Variants in RPGRIP1L observed in about 807,000 individuals in gnomAD.
RPGRIP1L encodes protein fantom.
Under a neutral mutation model 160.4 loss-of-function variants are expected in RPGRIP1L, and 131 were observed. That is an observed-to-expected ratio of 0.82 (90% CI 0.71 to 0.94). The LOEUF (loss-of-function observed/expected upper bound fraction) is 0.94. Ranked by LOEUF, RPGRIP1L falls within the 40% of genes least tolerant of loss-of-function variation. RPGRIP1L has a pLI of 0.00. For missense variants in RPGRIP1L, 1,522 were observed against 1,535.8 expected (o/e 0.99, Z 0.15); for synonymous variants, 510 against 515.8 (o/e 0.99, Z 0.15).
intron 24 of RPGRIP1L, among the ~76,000 whole-genome samples, chr16:53,614,285 C>A (rs1204407521): frequency 2.0e-5 from 3 of 152,214 alleles, no homozygotes; most frequent in Non-Finnish European, 4.4e-5. Context: ...CTTCCACAAA[C>A]AAGGCCTAGA....
At chr16:53,628,190 G>T (rs1965302788) in intron 22 of RPGRIP1L, 1 of 151,844 alleles carries the variant, frequency 6.6e-6, no homozygotes, top group Admixed American at 6.6e-5. Context: ...ACAGTATGTA[G>T]AACTTGTTAC....
chr16:53,634,131 C>G (rs1462432688), intron 22 of RPGRIP1L, among the ~76,000 whole-genome samples: 1 of 152,118 alleles, frequency 6.6e-6, no homozygotes, highest in African/African-American at 2.4e-5. Flanking sequence ...GCTGCATCCT[C>G]TTCAGAGGAG....
At chr16:53,668,688 A>G (rs1968478503) in intron 9 of RPGRIP1L, among the ~76,000 whole-genome samples, 1 of 152,246 alleles carries the variant, frequency 6.6e-6, no homozygotes. Context: ...AGTGAAGCAC[A>G]GCATTACTAA....
intron 6 of RPGRIP1L, among the ~76,000 whole-genome samples, chr16:53,683,120 C>CTTA (rs1394909840): frequency 6.6e-6 from 1 of 151,838 alleles, no homozygotes; most frequent in Non-Finnish European, 1.5e-5. Flanking sequence ...AGCATCCTTT[C>CTTA]TTAGCTTCTT....
At chr16:53,617,610 AT>A (rs1964462247) in intron 24 of RPGRIP1L, among the ~76,000 whole-genome samples, 1 of 152,198 alleles carries the variant, frequency 6.6e-6, no homozygotes. Context: ...GCTGAAGTAG[AT>A]CTTAGAAAGC....
At chr16:53,685,815 A>G (rs549573492) in intron 6 of RPGRIP1L, among the ~76,000 whole-genome samples, 2 of 152,270 alleles carry the variant, frequency 1.3e-5, no homozygotes, top group Admixed American at 6.5e-5. Context: ...CATGGTACAC[A>G]TTTATCTATG....
At chr16:53,657,095 G>A (rs931859517) in intron 13 of RPGRIP1L, among the ~76,000 whole-genome samples, 2 of 152,042 alleles carry the variant, frequency 1.3e-5, no homozygotes, top group Non-Finnish European at 2.9e-5. Context: ...ATAAAAATTA[G>A]CTGGGCATGG....
chr16:53,639,571 C>T (rs1014000646), intron 19 of RPGRIP1L, among the ~76,000 whole-genome samples: 1 of 152,060 alleles, frequency 6.6e-6, no homozygotes, highest in Admixed American at 6.6e-5. Context: ...GCAACAAACA[C>T]CTCTATGTTT....
chr16:53,696,172 T>A lies in RPGRIP1L; in HGVS notation c.209A>T (p.Lys70Met). ...TAACCTTTTAATTTTATCCTCCTGCTTGCGGGCATGCTGTTTAAGTAAAAT... is the reference window on the plus strand; with the variant it reads ...TAACCTTTTAATTTTATCCTCCTGCATGCGGGCATGCTGTTTAAGTAAAAT... ...ENILLKQHAR[K>M]QEDKIKRMAT... Residue 70 changes from lysine (K) to methionine (M), a missense_variant, in exon 3 of 27, where the codon AAG becomes ATG. Lys to Met is a moderately conservative substitution (Grantham distance 95, BLOSUM62 -1). Coordinates refer to ENST00000647211, the MANE Select transcript of RPGRIP1L (RefSeq NM_015272.5). The A allele has an allele frequency of 6.2e-7, 1 of 1,614,044 alleles. No homozygotes were observed. Among genetic ancestry groups the A allele is most frequent in the Non-Finnish European group, 8.5e-7 (1 of 1,179,974 alleles).
At chr16:53,699,817 CAAAAA>C (rs71146704) in intron 2 of RPGRIP1L, among the ~76,000 whole-genome samples, 1,499 of 94,628 alleles carry the variant, frequency 0.016, 11 homozygotes, top group Non-Finnish European at 0.027. Context: ...GACTTCGTCT[CAAAAA>C]AAAAAAAAAA....
At chr16:53,648,624 G>A (rs75810767) in intron 16 of RPGRIP1L, among the ~76,000 whole-genome samples, 43,208 of 106,266 alleles carry the variant, frequency 0.41, 6,556 homozygotes, top group East Asian at 0.56. Context: ...GCGCGCGCGC[G>A]CGCACACACA....
chr16:53,696,121 G>GA, intron 3 of RPGRIP1L, 30 bp downstream of exon 3: 1 of 1,609,972 alleles, frequency 6.2e-7, no homozygotes. Flanking sequence ...ACTGAGTCAA[G>GA]AAAAAAAGCT....
chr16:53,647,536 C>T (rs1316836112), intron 16 of RPGRIP1L, among the ~76,000 whole-genome samples: 1 of 152,150 alleles, frequency 6.6e-6, no homozygotes, highest in East Asian at 1.9e-4. Flanking sequence ...CTTGCTTTCT[C>T]CTGATCTCAG....
At chr16:53,669,650 A>G (rs555007114) in intron 9 of RPGRIP1L, among the ~76,000 whole-genome samples, 1 of 152,232 alleles carries the variant, frequency 6.6e-6, no homozygotes, top group African/African-American at 2.4e-5. Flanking sequence ...ACTGGGGAGA[A>G]GTAGAAAATT....
At chr16:53,657,883 AAT>A (rs1339905755) in intron 12 of RPGRIP1L, among the ~76,000 whole-genome samples, 3 of 152,144 alleles carry the variant, frequency 2.0e-5, no homozygotes, top group Non-Finnish European at 4.4e-5. Flanking sequence ...GAAATCAAAA[AAT>A]AGTTACTTTA....
intron 7 of RPGRIP1L, 103 bp downstream of exon 7, chr16:53,674,914 G>T: frequency 2.8e-6 from 2 of 724,706 alleles, no homozygotes; most frequent in South Asian, 3.1e-5. Context: ...TCAAAATTAT[G>T]TTCTAGTGTT....
At chr16:53,604,254 C>A (rs924491594) in intron 26 of RPGRIP1L, among the ~76,000 whole-genome samples, 1 of 152,228 alleles carries the variant, frequency 6.6e-6, no homozygotes, top group African/African-American at 2.4e-5. Context: ...TTGAGCCTGA[C>A]TTTTCAGCAC....
At chr16:53,626,405 G>C (rs1965181210) in intron 22 of RPGRIP1L, among the ~76,000 whole-genome samples, 1 of 152,114 alleles carries the variant, frequency 6.6e-6, no homozygotes, top group Non-Finnish European at 1.5e-5. Context: ...CTACGTGTAT[G>C]AATTTTTGTT....
At chr16:53,611,147 G>T in intron 24 of RPGRIP1L, 96 bp from the exon 25 acceptor site, 1 of 877,994 alleles carries the variant, frequency 1.1e-6, no homozygotes, top group Non-Finnish European at 1.9e-6. Context: ...TGTTTTTAAA[G>T]ACACAAGTCA....
Sources: gnomAD v4.1 joint callset for allele counts (sites outside exome capture counted in the v4.1 genomes callset) on GRCh38, gnomAD v4.1.1 for gene constraint, MANE v1.5 for transcripts, NCBI Gene and HGNC (gene_info 2026-07-23, HGNC 2026-07-21) for gene names.